Variants in GPR83 observed in about 807,000 individuals in gnomAD.
GPR83 encodes G protein-coupled receptor 83, also known as G-protein coupled receptor 72.
GPR83 carries 23 observed loss-of-function variants against 28.0 expected under a neutral mutation model. The observed-to-expected ratio is 0.82, with a 90% CI of 0.59 to 1.16. The LOEUF (loss-of-function observed/expected upper bound fraction) is 1.16, where lower values mean the gene tolerates loss of function less well. GPR83 is among the 50% of genes most tolerant of loss of function. The pLI is 0.00. For missense variants in GPR83, 610 were observed against 536.6 expected, an observed-to-expected ratio of 1.14 and a Z score of -1.35; for synonymous variants, 234 against 215.4, an observed-to-expected ratio of 1.09 and a Z score of -0.76.
At chr11:94,382,623 A>G (rs973218389) in intron 3 of GPR83, among the ~76,000 whole-genome samples, 1 of 152,154 alleles carries the variant, frequency 6.6e-6, no homozygotes, top group South Asian at 2.1e-4. Context: ...AGACAGATCA[A>G]TGAGACAGAA....
At chr11:94,384,169 G>C (rs1378435981) in intron 3 of GPR83, among the ~76,000 whole-genome samples, 1 of 152,066 alleles carries the variant, frequency 6.6e-6, no homozygotes, top group African/African-American at 2.4e-5. Flanking sequence ...TGGGATGCAA[G>C]GCTGGTTCAA....
chr11:94,401,285 C>G lies in GPR83; in HGVS notation c.-38G>C, dbSNP rs1369744055. On this transcript the variant is annotated 5_prime_UTR_variant, in exon 1 of 4. Coordinates refer to ENST00000243673, the MANE Select transcript of GPR83 (RefSeq NM_016540.4). ...ACCCCTCCCCTGGGAGCCTGCGGGC[C>G]GGGCGTCCCCTCCCGCTGGGATCGG... The G allele has an allele frequency of 6.5e-7, 1 of 1,539,066 alleles. No individual in the cohort carries two copies. The highest frequency in any genetic ancestry group is 2.3e-5 in the East Asian group (1 of 44,050).
At chr11:94,383,165 A>AG (rs1280008855) in intron 3 of GPR83, among the ~76,000 whole-genome samples, 1 of 151,766 alleles carries the variant, frequency 6.6e-6, no homozygotes, top group African/African-American at 2.4e-5. Flanking sequence ...AAAAAAAGAA[A>AG]AAAAAAAAAA....
chr11:94,377,905 C>T lies in GPR83; in HGVS notation c.*2244G>A, dbSNP rs1014508938. 3 of 152,188 alleles carry T rather than the reference C, an allele frequency of 2.0e-5. No homozygotes were observed. Among genetic ancestry groups the T allele is most frequent in the African/African-American group, 7.2e-5 (3 of 41,430 alleles). The allele number at this position is 152,188 out of a possible 1,614,324, so 9.4% of individuals were successfully genotyped here. ...GAGCTTCTGTATTCCTAGACACCCTCAGAGAGGAGTGAAGTACAACATCCT... is the reference window on the plus strand; with the variant it reads ...GAGCTTCTGTATTCCTAGACACCCTTAGAGAGGAGTGAAGTACAACATCCT... On this transcript the variant is annotated 3_prime_UTR_variant, in exon 4 of 4. Transcript: ENST00000243673.
At chr11:94,386,221 C>T (rs1320260822) in intron 3 of GPR83, among the ~76,000 whole-genome samples, 1 of 152,186 alleles carries the variant, frequency 6.6e-6, no homozygotes, top group Non-Finnish European at 1.5e-5. Context: ...AAAGGAACAA[C>T]TGGTACCAGC....
rs371128978 is a variant in GPR83, at chr11:94,380,526, C to T, written c.895G>A (p.Val299Ile). The T allele has an allele frequency of 9.3e-6, 15 of 1,614,118 alleles. No individual in the cohort carries two copies. Among genetic ancestry groups the T allele is most frequent in the Admixed American group, 1.7e-5 (1 of 60,008 alleles). Residue 299 changes from valine (V) to isoleucine (I), a missense_variant, in exon 4 of 4, where the codon GTC becomes ATC. Physicochemically the swap from Val to Ile is conservative, Grantham distance 29 (BLOSUM62 3). Transcript: ENST00000243673. ...KTIKMLMLVV[V>I]LFALCWFPLN... ...GGGAACCAGCAGAGGGCAAAGAGGA[C>T]TACCACCAGCATCAACATCTTGATG...
intron 2 of GPR83, among the ~76,000 whole-genome samples, chr11:94,394,288 G>T (rs1944845330): frequency 6.6e-6 from 1 of 152,148 alleles, no homozygotes; most frequent in East Asian, 1.9e-4. Flanking sequence ...CTGGGAAGCT[G>T]CACAGACACT....
At chr11:94,382,201 A>G (rs1944697783) in intron 3 of GPR83, among the ~76,000 whole-genome samples, 1 of 151,956 alleles carries the variant, frequency 6.6e-6, no homozygotes, top group East Asian at 1.9e-4. Context: ...AAAAATACAA[A>G]ATTAGCTGGG....
intron 3 of GPR83, among the ~76,000 whole-genome samples, chr11:94,385,306 G>A (rs576270067): frequency 3.9e-4 from 60 of 152,288 alleles, no homozygotes; most frequent in Admixed American, 1.1e-3. Flanking sequence ...CTCCTCCAAA[G>A]GAACATAGCT....
chr11:94,401,098 GGAGAAGGTGTAGTTGTTCCAA>G lies in GPR83; in HGVS notation c.129_149del (p.Trp44_Ser50del), dbSNP rs756558927. 1.9e-6 allele frequency: 3 copies of G among 1,614,140 alleles called. No homozygotes were observed. The highest frequency in any genetic ancestry group is 4.5e-5 in the East Asian group (2 of 44,886). On this transcript the variant is annotated inframe_deletion, in exon 1 of 4. Transcript: ENST00000243673. ...TCCTGCCCACAAAGTTCTGCCAGTC[GGAGAAGGTGTAGTTGTTCCAA>G]GAGAAGAAGTGCGAGGCATTGGGCA...
At position 94,380,282 on chromosome 11, in the gene GPR83, G is replaced by T; in HGVS notation, c.1139C>A (p.Ser380Tyr). 6.3e-7 allele frequency: 1 copy of T among 1,585,530 alleles called. No individual in the cohort carries two copies. Among genetic ancestry groups the T allele is most frequent in the Non-Finnish European group, 8.6e-7 (1 of 1,164,816 alleles). Residue 380 changes from serine (S) to tyrosine (Y), a missense_variant, in exon 4 of 4, where the codon TCC becomes TAC. Ser to Tyr is a moderately radical substitution (Grantham distance 144, BLOSUM62 -2). Transcript: ENST00000243673. ...CTTCTCTGTCCAGGCCACCCTGAAG[G>T]AAGGAACTGGGGAGGGTGGCCTGTC... is the stretch of plus-strand genomic sequence containing the variant. The part of the protein sequence containing the change: ...QEDRPPSPVP[S>Y]FRVAWTEKND...
chr11:94,377,627 C>T lies in GPR83; in HGVS notation c.*2522G>A, dbSNP rs1944635186. ...CACATTCAGTAGAAACCATACTTCG[C>T]ATATCCATACAACCATTCTGGTTTT... is the stretch of plus-strand genomic sequence containing the variant. On this transcript the variant is annotated 3_prime_UTR_variant, in exon 4 of 4. Transcript: ENST00000243673. 6.6e-6 allele frequency: 1 copy of T among 152,164 alleles called. No homozygotes were observed. Among genetic ancestry groups the T allele is most frequent in the Admixed American group, 6.5e-5 (1 of 15,280 alleles). 9.4% of individuals were successfully genotyped at this position (152,164 alleles called of 1,614,324 possible).
chr11:94,390,502 A>G (rs1337331217), intron 3 of GPR83, among the ~76,000 whole-genome samples: 16 of 152,072 alleles, frequency 1.1e-4, no homozygotes, highest in Non-Finnish European at 2.2e-4. Flanking sequence ...GAAAGAAAGG[A>G]TATTCAAATG....
intron 2 of GPR83, 102 bp downstream of exon 2, chr11:94,396,297 C>G: frequency 9.7e-7 from 1 of 1,034,036 alleles, no homozygotes. Context: ...GAAACACACT[C>G]ATTGAAAACT....
In GPR83 at chr11:94,401,351, G is replaced by A. The variant is rs902352087; in HGVS notation, c.-104C>T. The A allele has an allele frequency of 9.9e-6, 11 of 1,114,118 alleles. No individual in the cohort carries two copies. Among genetic ancestry groups the A allele is most frequent in the African/African-American group, 8.2e-5 (5 of 61,108 alleles). The allele number at this position is 1,114,118 out of a possible 1,614,324, so 69.0% of individuals were successfully genotyped here. ...TGCGGGGCGCACAGCATACAAGGCC[G>A]TCCCGAGGAGCCAGGGAGCCCGGAC... is the stretch of plus-strand genomic sequence containing the variant. On this transcript the variant is annotated 5_prime_UTR_variant, in exon 1 of 4. It adds an upstream start codon to the 5' untranslated region. Transcript: ENST00000243673.
In GPR83 at chr11:94,378,418, C is replaced by A. The variant is rs1413889379; in HGVS notation, c.*1731G>T. ...AAACCTAAAAGCAGTGTGTCAGTAA[C>A]AATTGTTTAGAGCAGGTGAATTAAG... On this transcript the variant is annotated 3_prime_UTR_variant, in exon 4 of 4. Coordinates refer to ENST00000243673, the MANE Select transcript of GPR83 (RefSeq NM_016540.4). 1 of 152,152 alleles carries A rather than the reference C, an allele frequency of 6.6e-6. No homozygotes were observed. Among genetic ancestry groups the A allele is most frequent in the Non-Finnish European group, 1.5e-5 (1 of 68,050 alleles). 9.4% of individuals were successfully genotyped at this position (152,152 alleles called of 1,614,324 possible).
At chr11:94,390,214 A>T (rs1944803776) in intron 3 of GPR83, among the ~76,000 whole-genome samples, 1 of 152,104 alleles carries the variant, frequency 6.6e-6, no homozygotes, top group Admixed American at 6.6e-5. Context: ...AGATATACCT[A>T]ATGTAAATGA....
rs577963411 is a variant in GPR83 at position 94,383,390 on chromosome 11, T to C, written c.648-2617A>G. 2.1e-3 allele frequency among the ~76,000 whole-genome samples: 313 copies of C among 152,080 alleles called. 1 individual carries two copies. The highest frequency in any genetic ancestry group is 3.2e-3 in the Non-Finnish European group (220 of 67,996). On this transcript the variant is annotated intron_variant, in intron 3 of 3. Transcript: ENST00000243673. ...TGCCCACAAGAGAAAGCAGGAAAGATCTAAAATTGACACCTTAACATCAAA... is the reference window on the plus strand; with the variant it reads ...TGCCCACAAGAGAAAGCAGGAAAGACCTAAAATTGACACCTTAACATCAAA...
chr11:94,388,227 G>A (rs1368773440), intron 3 of GPR83, among the ~76,000 whole-genome samples: 1 of 152,166 alleles, frequency 6.6e-6, no homozygotes, highest in Non-Finnish European at 1.5e-5. Flanking sequence ...TTCTGAATGG[G>A]CAAAAACTGG....
Sources: gnomAD v4.1 joint callset for allele counts (sites outside exome capture counted in the v4.1 genomes callset) on GRCh38, gnomAD v4.1.1 for gene constraint, MANE v1.5 for transcripts, NCBI Gene and HGNC (gene_info 2026-07-23, HGNC 2026-07-21) for gene names.